The following RAB6A variants were observed in gnomAD, a reference collection of about 807,000 sequenced individuals.
The protein encoded by RAB6A is ras-related protein Rab-6A.
Under a neutral mutation model 32.3 loss-of-function variants are expected in RAB6A, and 8 were observed. The ratio of observed to expected loss-of-function variants is 0.25; its 90% CI spans 0.15 to 0.45. RAB6A has a LOEUF of 0.45. Ranked by LOEUF, RAB6A falls within the 20% of genes least tolerant of loss-of-function variation. RAB6A has a pLI of 1.00. For synonymous variants in RAB6A, 73 were observed against 82.1 expected (o/e 0.89, Z 0.60); for missense variants, 104 against 249.4 (o/e 0.42, Z 3.93).
intron 7 of RAB6A, among the ~76,000 whole-genome samples, chr11:73,678,735 T>G (rs535827576): frequency 0.016 from 2,356 of 149,764 alleles, 32 homozygotes; most frequent in Non-Finnish European, 0.026. Flanking sequence ...GTTTTTTTTT[T>G]TGGGGGGGGA....
At chr11:73,758,962 A>AT (rs1232760011) in intron 1 of RAB6A, among the ~76,000 whole-genome samples, 1 of 152,156 alleles carries the variant, frequency 6.6e-6, no homozygotes, top group African/African-American at 2.4e-5. Flanking sequence ...GGGAGATTGT[A>AT]TTTTTCCCCC....
Position 73,721,008 on chromosome 11 carries a change from A to G in RAB6A, c.130-109T>C, listed in dbSNP as rs1027428857. On this transcript the variant is annotated intron_variant, in intron 2 of 7. Coordinates refer to ENST00000336083, the MANE Select transcript of RAB6A (RefSeq NM_198896.2). The stretch of plus-strand genomic sequence containing the variant: ...GGAAGAAATAATGAATAAACAAATC[A>G]ATACAACATAGTCAATTAAGGACAA... The G allele has an allele frequency of 6.6e-5, 54 of 818,468 alleles. No homozygotes were observed. The Admixed American group carries it at 1.2e-3, about 19-fold the overall frequency. 50.7% of individuals were successfully genotyped at this position (818,468 alleles called of 1,614,324 possible). A position where few individuals can be genotyped will look rare whatever the true frequency, so the allele number is the denominator to read the frequency against.
At chr11:73,746,072 T>A (rs1946584298) in intron 1 of RAB6A, among the ~76,000 whole-genome samples, 1 of 151,106 alleles carries the variant, frequency 6.6e-6, no homozygotes, top group Non-Finnish European at 1.5e-5. Flanking sequence ...GCACCAGTAG[T>A]CCCAGCTAAC....
intron 6 of RAB6A, among the ~76,000 whole-genome samples, chr11:73,682,368 CA>C (rs1043892592): frequency 6.6e-6 from 1 of 151,974 alleles, no homozygotes; most frequent in Non-Finnish European, 1.5e-5. Flanking sequence ...ATTTTATGAA[CA>C]AAAAAATAAG....
chr11:73,701,835 T>C (rs1945750646), intron 6 of RAB6A, among the ~76,000 whole-genome samples: 1 of 152,106 alleles, frequency 6.6e-6, no homozygotes, highest in South Asian at 2.1e-4. Flanking sequence ...GAGACAGGGT[T>C]TCGTCATGTT....
At chr11:73,759,761 C>T (rs1946813333) in intron 1 of RAB6A, among the ~76,000 whole-genome samples, 1 of 152,078 alleles carries the variant, frequency 6.6e-6, no homozygotes, top group Non-Finnish European at 1.5e-5. Flanking sequence ...GAGAAAAATT[C>T]CAAGTAAAAT....
intron 2 of RAB6A, among the ~76,000 whole-genome samples, chr11:73,721,909 T>A (rs946808549): frequency 6.6e-6 from 1 of 152,174 alleles, no homozygotes; most frequent in African/African-American, 2.4e-5. Flanking sequence ...TTATTTCTGT[T>A]AGCAGAAAAA....
intron 1 of RAB6A, 124 bp downstream of exon 1, chr11:73,760,442 G>A (rs1322595464): frequency 9.2e-6 from 12 of 1,298,008 alleles, no homozygotes; most frequent in Admixed American, 5.2e-5. Context: ...ATCGGGAAGG[G>A]CTGCGGTGGC....
At chr11:73,725,137 T>C (rs1186686643) in intron 2 of RAB6A, among the ~76,000 whole-genome samples, 1 of 152,148 alleles carries the variant, frequency 6.6e-6, no homozygotes, top group East Asian at 1.9e-4. Context: ...GTAAGAAAAA[T>C]AAATAAGGGC....
intron 6 of RAB6A, among the ~76,000 whole-genome samples, chr11:73,697,134 A>G (rs1001954248): frequency 9.9e-5 from 15 of 152,042 alleles, no homozygotes; most frequent in Non-Finnish European, 1.9e-4. Context: ...GTTCCTTTGA[A>G]TTTGTCACTG....
At chr11:73,700,186 G>C (rs902828750) in intron 6 of RAB6A, among the ~76,000 whole-genome samples, 1 of 152,264 alleles carries the variant, frequency 6.6e-6, no homozygotes, top group Middle Eastern at 3.4e-3. Flanking sequence ...CTAAAAGAAT[G>C]TACTAATTCC....
Position 73,677,766 on chromosome 11 carries a change from C to T in RAB6A, c.*132G>A. 4 of 1,532,042 alleles carry T rather than the reference C, an allele frequency of 2.6e-6. No individual in the cohort carries two copies. Among genetic ancestry groups the T allele is most frequent in the Non-Finnish European group, 3.6e-6 (4 of 1,122,402 alleles). 94.9% of individuals were successfully genotyped at this position (1,532,042 alleles called of 1,614,324 possible). A position where few individuals can be genotyped will look rare whatever the true frequency, so the allele number is the denominator to read the frequency against. On this transcript the variant is annotated 3_prime_UTR_variant, in exon 8 of 8. Transcript: ENST00000336083. ...TAATAGATCATCTCCACGAGACAGG[C>T]AGCAATGATGAATTGCAATACGTTA... is the stretch of plus-strand genomic sequence containing the variant.
At chr11:73,750,784 G>A (rs997084927) in intron 1 of RAB6A, among the ~76,000 whole-genome samples, 1 of 152,126 alleles carries the variant, frequency 6.6e-6, no homozygotes, top group African/African-American at 2.4e-5. Context: ...GCTACTATGA[G>A]TATGGGGGTA....
chr11:73,730,571 C>A (rs1473499019), intron 2 of RAB6A, 194 bp downstream of exon 2: 6 of 522,044 alleles, frequency 1.1e-5, no homozygotes, highest in East Asian at 6.9e-5. Flanking sequence ...TTGGAAGAGA[C>A]AAAAGAAATC....
intron 1 of RAB6A, among the ~76,000 whole-genome samples, chr11:73,738,318 T>C (rs1946433967): frequency 6.6e-6 from 1 of 151,970 alleles, no homozygotes; most frequent in Non-Finnish European, 1.5e-5. Context: ...GGTACTACAA[T>C]GTGAATGTTC....
intron 1 of RAB6A, among the ~76,000 whole-genome samples, chr11:73,733,574 AAAAT>A (rs960009943): frequency 1.6e-4 from 23 of 140,098 alleles, no homozygotes; most frequent in African/African-American, 3.5e-4. Context: ...TAAATAAATA[AAAAT>A]AAATAAATAA....
At chr11:73,743,242 T>A (rs1450393124) in intron 1 of RAB6A, among the ~76,000 whole-genome samples, 1 of 149,152 alleles carries the variant, frequency 6.7e-6, no homozygotes, top group African/African-American at 2.5e-5. Flanking sequence ...GAGGCGGAGG[T>A]TGCAATGACC....
intron 6 of RAB6A, among the ~76,000 whole-genome samples, chr11:73,698,904 T>G (rs1210733987): frequency 1.4e-5 from 2 of 141,668 alleles, no homozygotes; most frequent in Non-Finnish European, 3.0e-5. Flanking sequence ...CAGGCTGTAA[T>G]GCAATGGCAC....
chr11:73,700,999 GT>G, intron 6 of RAB6A, among the ~76,000 whole-genome samples: 1 of 152,286 alleles, frequency 6.6e-6, no homozygotes, highest in East Asian at 1.9e-4. Context: ...AATAAATGAT[GT>G]AAAAGCTCTC....
Sources: allele counts gnomAD v4.1 joint callset (sites outside exome capture counted in the v4.1 genomes callset), GRCh38; gene constraint gnomAD v4.1.1; transcripts MANE v1.5; gene names NCBI Gene and HGNC (gene_info 2026-07-23, HGNC 2026-07-21).